The following BLTP2 variants were observed in gnomAD, a reference collection of about 807,000 sequenced individuals.
The protein encoded by BLTP2 is U937-associated antigen.
At chr17:28,618,160 T>C in the BLTP2 span, among the ~76,000 whole-genome samples, 3 of 152,166 alleles carry the variant, frequency 2.0e-5, no homozygotes, top group Non-Finnish European at 4.4e-5. Flanking sequence ...CTTCAGCTCC[T>C]GACCTCAGGT....
chr17:28,616,006 A>G, the BLTP2 span: 1 of 1,163,158 alleles, frequency 8.6e-7, no homozygotes, highest in Non-Finnish European at 1.3e-6. The surrounding 1 kb of genome is among the most constrained non-coding windows in gnomAD (Gnocchi z 4.8). Context: ...TCAGCATCAC[A>G]AACAACCTAG....
the BLTP2 span, chr17:28,620,861 A>G: frequency 7.9e-6 from 8 of 1,016,254 alleles, no homozygotes; most frequent in South Asian, 1.2e-4. Context: ...AAAGTAGAGC[A>G]AAGTGAAATG....
At chr17:28,621,884 C>CT in the BLTP2 span, among the ~76,000 whole-genome samples, 1 of 152,216 alleles carries the variant, frequency 6.6e-6, no homozygotes, top group African/African-American at 2.4e-5. Flanking sequence ...GATAACCACT[C>CT]TGACAATGTT....
At chr17:28,618,684 CATACA>C in the BLTP2 span, 11 of 822,144 alleles carry the variant, frequency 1.3e-5, no homozygotes, top group Non-Finnish European at 1.9e-5. Context: ...CATTAATAAT[CATACA>C]ATAATTAACC....
chr17:28,630,574 G>A, the BLTP2 span, among the ~76,000 whole-genome samples: 5 of 143,474 alleles, frequency 3.5e-5, no homozygotes, highest in East Asian at 2.2e-4. Flanking sequence ...TCCACCTCCC[G>A]GGTTCAAGAG....
the BLTP2 span, chr17:28,623,769 G>A: frequency 6.2e-7 from 1 of 1,614,154 alleles, no homozygotes; most frequent in Non-Finnish European, 8.5e-7. Context: ...CCTCTAACCA[G>A]AGCTGTCGGC....
At chr17:28,640,847 GCA>G in the BLTP2 span, among the ~76,000 whole-genome samples, 8 of 152,350 alleles carry the variant, frequency 5.3e-5, no homozygotes, top group Middle Eastern at 3.4e-3. Flanking sequence ...CCAGGCACCT[GCA>G]GTACTTCTTT....
the BLTP2 span, chr17:28,631,432 A>C: frequency 6.6e-7 from 1 of 1,513,198 alleles, no homozygotes; most frequent in African/African-American, 1.4e-5. Context: ...AGGCTGAGAT[A>C]CCTACTAATA....
the BLTP2 span, chr17:28,638,298 A>C: frequency 6.2e-7 from 1 of 1,613,412 alleles, no homozygotes; most frequent in South Asian, 1.1e-5. Flanking sequence ...CCAAACATGC[A>C]TATTGGGTGG....
chr17:28,638,731 T>C, the BLTP2 span: 1 of 783,982 alleles, frequency 1.3e-6, no homozygotes, highest in Non-Finnish European at 2.1e-6. Context: ...ACAATCAGAG[T>C]GAGAATTCAG....
the BLTP2 span, chr17:28,623,880 G>A: frequency 1.9e-6 from 3 of 1,614,094 alleles, no homozygotes; most frequent in Admixed American, 3.3e-5. Context: ...CACCATACCA[G>A]GCTGGATGGT....
chr17:28,638,777 G>GC, the BLTP2 span: 2 of 620,070 alleles, frequency 3.2e-6, no homozygotes. Context: ...GACACACCTA[G>GC]AAGATAAAAG....
chr17:28,639,046 T>C, the BLTP2 span: 2 of 499,974 alleles, frequency 4.0e-6, no homozygotes, highest in Non-Finnish European at 7.1e-6. Context: ...ACAAAGACAT[T>C]CCTTATCATT....
chr17:28,643,943 G>A, the BLTP2 span: 2 of 1,316,962 alleles, frequency 1.5e-6, no homozygotes, highest in African/African-American at 1.5e-5. Context: ...GAAATGGCAA[G>A]GCTGGGATTA....
the BLTP2 span, chr17:28,624,443 T>A: frequency 6.5e-7 from 1 of 1,538,566 alleles, no homozygotes; most frequent in Admixed American, 1.9e-5. Context: ...GGGAAAGACT[T>A]TTCCCTTTCC....
chr17:28,643,795 G>A, the BLTP2 span: 2 of 940,950 alleles, frequency 2.1e-6, no homozygotes, highest in African/African-American at 3.3e-5. Context: ...TCTTAAATTA[G>A]AACAGTAAAA....
At chr17:28,625,800 T>A in the BLTP2 span, among the ~76,000 whole-genome samples, 1 of 152,136 alleles carries the variant, frequency 6.6e-6, no homozygotes, top group Non-Finnish European at 1.5e-5. Flanking sequence ...AGTTTCACTC[T>A]TGTTGCCCAG....
At chr17:28,634,647 G>A in the BLTP2 span, 1 of 1,614,210 alleles carries the variant, frequency 6.2e-7, no homozygotes, top group Non-Finnish European at 8.5e-7. Context: ...GACCATGGAA[G>A]GAGGCATCTG....
chr17:28,641,212 C>T, the BLTP2 span, among the ~76,000 whole-genome samples: 1 of 152,176 alleles, frequency 6.6e-6, no homozygotes, highest in South Asian at 2.1e-4. Context: ...CAAATATTGG[C>T]ATTTTCCATC....
Sources: gnomAD v4.1 joint callset for allele counts (sites outside exome capture counted in the v4.1 genomes callset) on GRCh38, gnomAD v4.1.1 for gene constraint, Gnocchi (gnomAD v3.1) non-coding constraint, MANE v1.5 for transcripts, NCBI Gene and HGNC (gene_info 2026-07-23, HGNC 2026-07-21) for gene names.